Variants in KLRG1 observed in about 807,000 individuals in gnomAD.
KLRG1 encodes the protein killer cell lectin-like receptor subfamily G member 1.
Under a neutral mutation model 21.8 loss-of-function variants are expected in KLRG1, and 16 were observed. That is an observed-to-expected ratio of 0.73 (90% CI 0.50 to 1.11). The LOEUF is 1.11. Ranked by LOEUF, KLRG1 falls within the 50% of genes most tolerant of loss-of-function variation. KLRG1 has a pLI of 0.00. For missense variants in KLRG1, 173 were observed against 218.3 expected (o/e 0.79, Z 1.31); for synonymous variants, 69 against 75.9 (o/e 0.91, Z 0.47).
the KLRG1 span, chr12:9,149,064 C>T: frequency 7.2e-7 from 1 of 1,397,128 alleles, no homozygotes; most frequent in Non-Finnish European, 1.0e-6. Context: ...GTGTGGGCAG[C>T]AGAGTGAGCT....
intron 3 of KLRG1, among the ~76,000 whole-genome samples, chr12:9,002,183 T>C (rs1032218242): frequency 2.6e-5 from 4 of 152,200 alleles, no homozygotes; most frequent in African/African-American, 9.6e-5. Context: ...AATCAAAAGA[T>C]AAGATTTTAT....
chr12:9,095,064 G>A, the KLRG1 span: 9 of 1,590,132 alleles, frequency 5.7e-6, no homozygotes, highest in Non-Finnish European at 7.7e-6. Context: ...TTGAGTTGGT[G>A]AATGCCTTTA....
the KLRG1 span, chr12:9,149,482 G>A: frequency 7.2e-7 from 1 of 1,389,164 alleles, no homozygotes; most frequent in Non-Finnish European, 9.9e-7. Flanking sequence ...GAAAAGCCTT[G>A]TAGAGAATTT....
At chr12:8,974,307 A>G (rs2137263824) in intron 1 of KLRG1, among the ~76,000 whole-genome samples, 2 of 152,022 alleles carry the variant, frequency 1.3e-5, no homozygotes, top group Middle Eastern at 6.8e-3. Context: ...AGCTGGGACT[A>G]CAAGCGTCCA....
chr12:8,962,393 A>T (rs1413560064), intron 1 of KLRG1, among the ~76,000 whole-genome samples: 2 of 152,166 alleles, frequency 1.3e-5, no homozygotes, highest in African/African-American at 4.8e-5. Context: ...GCTGACTTGA[A>T]AACGTATTAT....
the KLRG1 span, among the ~76,000 whole-genome samples, chr12:9,025,985 G>A: frequency 3.3e-5 from 5 of 152,184 alleles, no homozygotes; most frequent in Non-Finnish European, 5.9e-5. Flanking sequence ...CTAGAGACAC[G>A]ACATTGCTGG....
At chr12:9,191,815 C>T in the KLRG1 span, among the ~76,000 whole-genome samples, 1 of 152,166 alleles carries the variant, frequency 6.6e-6, no homozygotes, top group Admixed American at 6.5e-5. Flanking sequence ...TATCACCTTT[C>T]TTCCTTCCCA....
At chr12:8,998,944 C>T (rs1947225149) in intron 3 of KLRG1, among the ~76,000 whole-genome samples, 1 of 152,154 alleles carries the variant, frequency 6.6e-6, no homozygotes, top group South Asian at 2.1e-4. Flanking sequence ...TGGTCTTGAA[C>T]TCCTGGGCTC....
chr12:9,164,412 G>A, the KLRG1 span, among the ~76,000 whole-genome samples: 1 of 152,198 alleles, frequency 6.6e-6, no homozygotes, highest in Non-Finnish European at 1.5e-5. Context: ...AAGAAGCATG[G>A]CAATGGCAAT....
At chr12:8,955,818 G>C (rs1281501815) in intron 1 of KLRG1, among the ~76,000 whole-genome samples, 1 of 152,064 alleles carries the variant, frequency 6.6e-6, no homozygotes, top group East Asian at 1.9e-4. Flanking sequence ...CGGGTCCCTG[G>C]TGAAAACCAA....
the KLRG1 span, chr12:9,182,065 A>G: frequency 6.2e-7 from 1 of 1,613,724 alleles, no homozygotes; most frequent in Non-Finnish European, 8.5e-7. Context: ...ACATTCGTGC[A>G]ATGGGGGCAA....
At chr12:8,994,973 G>C (rs1805721) in intron 2 of KLRG1, 146 bp from the exon 3 acceptor site, 2 of 588,228 alleles carry the variant, frequency 3.4e-6, no homozygotes, top group Non-Finnish European at 5.7e-6. Context: ...TTGACACCAC[G>C]CATTGTTACA....
chr12:9,077,390 C>T, the KLRG1 span: 2,135 of 1,613,420 alleles, frequency 1.3e-3, 5 homozygotes, highest in Non-Finnish European at 1.4e-3. Flanking sequence ...GTGATATAGG[C>T]GGAGAGGGTC....
At chr12:9,069,618 G>A in the KLRG1 span, 2 of 633,564 alleles carry the variant, frequency 3.2e-6, no homozygotes. Flanking sequence ...TTCTTTTAGA[G>A]TTAACATTAG....
At chr12:9,182,883 ACT>A in the KLRG1 span, among the ~76,000 whole-genome samples, 3 of 151,926 alleles carry the variant, frequency 2.0e-5, no homozygotes, top group African/African-American at 7.3e-5. Flanking sequence ...AAGGACAGAT[ACT>A]CTCTGGTATT....
intron 3 of KLRG1, among the ~76,000 whole-genome samples, chr12:8,998,557 C>T (rs955244734): frequency 1.3e-5 from 2 of 151,616 alleles, no homozygotes; most frequent in South Asian, 2.1e-4. Flanking sequence ...GGTGTGGTGG[C>T]GCACACCTGT....
At chr12:8,984,310 C>G (rs1280811677) in intron 1 of KLRG1, among the ~76,000 whole-genome samples, 1 of 152,188 alleles carries the variant, frequency 6.6e-6, no homozygotes, top group African/African-American at 2.4e-5. Context: ...TCAAGTGATT[C>G]TCCTGCCTCA....
chr12:9,160,125 C>T, the KLRG1 span: 2 of 1,241,736 alleles, frequency 1.6e-6, no homozygotes, highest in African/African-American at 3.0e-5. Context: ...CATTTTATGA[C>T]CTTCTGTGAT....
At chr12:8,973,473 G>C (rs577846820) in intron 1 of KLRG1, among the ~76,000 whole-genome samples, 1 of 152,264 alleles carries the variant, frequency 6.6e-6, no homozygotes, top group African/African-American at 2.4e-5. Context: ...GAGAACAAGT[G>C]TTCATTCGCT....
Sources: allele counts gnomAD v4.1 joint callset (sites outside exome capture counted in the v4.1 genomes callset), GRCh38; gene constraint gnomAD v4.1.1; transcripts MANE v1.5; gene names NCBI Gene and HGNC (gene_info 2026-07-23, HGNC 2026-07-21).